The following HS6ST3 variants were observed in gnomAD, a reference collection of about 807,000 sequenced individuals.
HS6ST3 encodes heparan sulfate 6-O-sulfotransferase 3.
In HS6ST3, 12 loss-of-function variants were observed where a neutral mutation model predicts 36.7. That is an observed-to-expected ratio of 0.33 (90% CI 0.21 to 0.53). The LOEUF (loss-of-function observed/expected upper bound fraction) is 0.53. Ranked by LOEUF, HS6ST3 falls within the 20% of genes least tolerant of loss-of-function variation. The pLI is 0.95. For missense variants in HS6ST3, 584 were observed against 640.9 expected, an observed-to-expected ratio of 0.91 and a Z score of 0.96; for synonymous variants, 240 against 257.5, an observed-to-expected ratio of 0.93 and a Z score of 0.65.
At chr13:96,138,808 G>GA (rs1460294858) in intron 1 of HS6ST3, among the ~76,000 whole-genome samples, 1 of 151,940 alleles carries the variant, frequency 6.6e-6, no homozygotes, top group Non-Finnish European at 1.5e-5. Flanking sequence ...GTGTTATGTG[G>GA]AAAAAATGAT....
chr13:96,409,540 G>A (rs2055496813), intron 1 of HS6ST3, among the ~76,000 whole-genome samples: 3 of 152,098 alleles, frequency 2.0e-5, no homozygotes, highest in Admixed American at 2.0e-4. Flanking sequence ...GTTTTCCCAC[G>A]GCTGAGTGTC....
intron 1 of HS6ST3, among the ~76,000 whole-genome samples, chr13:96,286,463 C>T (rs909157566): frequency 3.3e-5 from 5 of 152,122 alleles, no homozygotes; most frequent in African/African-American, 1.2e-4. Flanking sequence ...TACATTAATA[C>T]AAAAGCAGAT....
chr13:96,551,720 A>C (rs1052147511), intron 1 of HS6ST3, among the ~76,000 whole-genome samples: 1 of 152,120 alleles, frequency 6.6e-6, no homozygotes, highest in East Asian at 1.9e-4. Context: ...TCAGGATGCA[A>C]AGTTTGCACA....
chr13:96,301,059 T>C (rs966378066), intron 1 of HS6ST3, among the ~76,000 whole-genome samples: 3 of 152,206 alleles, frequency 2.0e-5, no homozygotes, highest in Non-Finnish European at 4.4e-5. Flanking sequence ...TTAACTATTA[T>C]GCTGCACAAG....
intron 1 of HS6ST3, among the ~76,000 whole-genome samples, chr13:96,296,627 A>G (rs1384501941): frequency 6.6e-6 from 1 of 152,154 alleles, no homozygotes; most frequent in Non-Finnish European, 1.5e-5. Context: ...TTTACTATTT[A>G]TATAGCTGTT....
chr13:96,610,459 C>G (rs1485282156), intron 1 of HS6ST3, among the ~76,000 whole-genome samples: 1 of 152,132 alleles, frequency 6.6e-6, no homozygotes, highest in Admixed American at 6.6e-5. Flanking sequence ...ATGATTTATT[C>G]TAATCAGCAC....
At chr13:96,786,540 A>C (rs1310045942) in intron 1 of HS6ST3, among the ~76,000 whole-genome samples, 2 of 152,164 alleles carry the variant, frequency 1.3e-5, no homozygotes, top group African/African-American at 4.8e-5. Flanking sequence ...ATTTAAATTC[A>C]GGCTTGCCCC....
At chr13:96,257,474 A>G (rs1236995372) in intron 1 of HS6ST3, among the ~76,000 whole-genome samples, 1 of 152,148 alleles carries the variant, frequency 6.6e-6, no homozygotes, top group Non-Finnish European at 1.5e-5. Context: ...ACTAGTGCCA[A>G]ACTGTTTGGG....
intron 1 of HS6ST3, among the ~76,000 whole-genome samples, chr13:96,204,564 A>T (rs1555290623): frequency 1.3e-5 from 2 of 152,214 alleles, no homozygotes; most frequent in Non-Finnish European, 2.9e-5. Flanking sequence ...TTGCCACATG[A>T]CATTTACTCT....
chr13:96,334,359 C>T (rs2139422667), intron 1 of HS6ST3, among the ~76,000 whole-genome samples: 1 of 152,244 alleles, frequency 6.6e-6, no homozygotes, highest in South Asian at 2.1e-4. Flanking sequence ...ACTTCACCTT[C>T]CACCATGAGT....
At chr13:96,204,948 A>C (rs139462282) in intron 1 of HS6ST3, among the ~76,000 whole-genome samples, 129 of 152,274 alleles carry the variant, frequency 8.5e-4, no homozygotes, top group African/African-American at 3.0e-3. Flanking sequence ...AAGAACAAAC[A>C]AACTCGAAAT....
chr13:96,406,783 G>T (rs144770822), intron 1 of HS6ST3, among the ~76,000 whole-genome samples: 1 of 152,100 alleles, frequency 6.6e-6, no homozygotes, highest in African/African-American at 2.4e-5. Context: ...CAGGTATTTT[G>T]TCTTCTGTCA....
At chr13:96,464,147 A>AAAAAAAAAAAAAAAAAAAAAAC (rs2055800060) in intron 1 of HS6ST3, among the ~76,000 whole-genome samples, 1 of 147,474 alleles carries the variant, frequency 6.8e-6, no homozygotes, top group Non-Finnish European at 1.5e-5. Flanking sequence ...TCAAAAAAAA[A>AAAAAAAAAAAAAAAAAAAAAAC]AAAAAAAAAA....
intron 1 of HS6ST3, among the ~76,000 whole-genome samples, chr13:96,627,327 G>C (rs956278138): frequency 3.9e-5 from 6 of 151,918 alleles, no homozygotes; most frequent in African/African-American, 1.4e-4. Flanking sequence ...TGATAAGTTA[G>C]AGTAATCAAT....
At chr13:96,244,509 G>A (rs970261568) in intron 1 of HS6ST3, among the ~76,000 whole-genome samples, 42 of 152,174 alleles carry the variant, frequency 2.8e-4, no homozygotes, top group Middle Eastern at 6.8e-3. Context: ...TTGATTTTCT[G>A]AAAATTAAGG....
At chr13:96,103,631 G>A (rs2053827955) in intron 1 of HS6ST3, among the ~76,000 whole-genome samples, 1 of 152,102 alleles carries the variant, frequency 6.6e-6, no homozygotes, top group Non-Finnish European at 1.5e-5. Flanking sequence ...ACAGTACTGT[G>A]CTATACAAAT....
chr13:96,816,427 G>A (rs555191828), intron 1 of HS6ST3, among the ~76,000 whole-genome samples: 15 of 152,348 alleles, frequency 9.8e-5, no homozygotes, highest in African/African-American at 3.1e-4. Context: ...AGCAAAGTAG[G>A]ATTTCACAAC....
intron 1 of HS6ST3, among the ~76,000 whole-genome samples, chr13:96,374,185 C>A (rs893546797): frequency 1.3e-5 from 2 of 151,962 alleles, no homozygotes; most frequent in African/African-American, 4.8e-5. Context: ...TTAATCTTTA[C>A]AGTATTTTTG....
chr13:96,760,261 C>G (rs571973419), intron 1 of HS6ST3, among the ~76,000 whole-genome samples: 2 of 151,982 alleles, frequency 1.3e-5, no homozygotes, highest in African/African-American at 4.8e-5. Context: ...TCTTCAGATA[C>G]AAGCATGTAT....
Sources: allele counts gnomAD v4.1 joint callset (sites outside exome capture counted in the v4.1 genomes callset), GRCh38; gene constraint gnomAD v4.1.1; transcripts MANE v1.5; gene names NCBI Gene and HGNC (gene_info 2026-07-23, HGNC 2026-07-21).